SLC5A1: variants seen among roughly 807,000 people sequenced by gnomAD.
SLC5A1 encodes the protein solute carrier family 5 member 1.
A neutral mutation model predicts 73.5 loss-of-function variants in SLC5A1; 42 were observed. The ratio of observed to expected loss-of-function variants is 0.57; its 90% CI spans 0.45 to 0.74. SLC5A1 has a LOEUF of 0.74. SLC5A1 is among the 30% of genes least tolerant of loss of function. The pLI is 0.00. For synonymous variants in SLC5A1, 300 were observed against 317.4 expected (o/e 0.95, Z 0.58); for missense variants, 634 against 855.4 (o/e 0.74, Z 3.23).
At chr22:32,060,125 A>G (rs1251448563) in intron 2 of SLC5A1, among the ~76,000 whole-genome samples, 1 of 48,402 alleles carries the variant, frequency 2.1e-5, no homozygotes, top group Non-Finnish European at 3.6e-5. Flanking sequence ...ATATATACAT[A>G]CACACATATA....
chr22:32,074,564 C>G (rs531939200), intron 5 of SLC5A1, among the ~76,000 whole-genome samples: 1 of 152,266 alleles, frequency 6.6e-6, no homozygotes, highest in East Asian at 1.9e-4. Flanking sequence ...ATTTCTCCAG[C>G]CTTCCCAGCA....
chr22:32,043,586 G>C lies in SLC5A1; in HGVS notation c.135+170G>C, dbSNP rs1189223013. Reference sequence around the variant, plus strand: ...GCACAGCATGAAGGGAGGAGGGCAAGCAAGGATGAGCAGAAGTGAGAAGGG... The same window carrying C: ...GCACAGCATGAAGGGAGGAGGGCAACCAAGGATGAGCAGAAGTGAGAAGGG... On this transcript the variant is annotated intron_variant, in intron 1 of 14. Transcript: ENST00000266088. This position sits in a 1 kb window ranked among gnomAD's most constrained non-coding sequence, Gnocchi z 6.5. Among the ~76,000 whole-genome samples the C allele has an allele frequency of 1.3e-5, 2 of 152,164 alleles. No homozygotes were observed. The highest frequency in any genetic ancestry group is 2.9e-5 in the Non-Finnish European group (2 of 68,038).
intron 12 of SLC5A1, 49 bp from the exon 13 acceptor site, chr22:32,101,973 A>T: frequency 1.4e-6 from 2 of 1,405,058 alleles, no homozygotes; most frequent in Non-Finnish European, 1.0e-6. Context: ...TAGAAAGGCC[A>T]TCTGTTTTGT....
At chr22:32,080,128 C>T (rs1022746137) in intron 5 of SLC5A1, among the ~76,000 whole-genome samples, 6 of 152,150 alleles carry the variant, frequency 3.9e-5, no homozygotes, top group Middle Eastern at 3.2e-3. Flanking sequence ...AATGCTGGTT[C>T]TTCTGACTGC....
Position 32,091,902 on chromosome 22 carries a change from G to A in SLC5A1, c.1280+140G>A, listed in dbSNP as rs538973330. On this transcript the variant is annotated intron_variant, in intron 11 of 14. Coordinates refer to ENST00000266088, the MANE Select transcript of SLC5A1 (RefSeq NM_000343.4). ...CTGTGGCTGGTTATATGTGCCATTTGGTGGCATTTAACTTTATTTACTTAT... is the reference window on the plus strand; with the variant it reads ...CTGTGGCTGGTTATATGTGCCATTTAGTGGCATTTAACTTTATTTACTTAT... 96 of 727,482 alleles carry A rather than the reference G, an allele frequency of 1.3e-4. No individual in the cohort carries two copies. In the African/African-American group the frequency reaches 1.5e-3, roughly 12 times the overall value. The allele number at this position is 727,482 out of a possible 1,614,324, so 45.1% of individuals were successfully genotyped here.
intron 11 of SLC5A1, among the ~76,000 whole-genome samples, chr22:32,094,802 C>T (rs2094023689): frequency 6.6e-6 from 1 of 151,630 alleles, no homozygotes; most frequent in South Asian, 2.1e-4. Flanking sequence ...CTTTTTGTTT[C>T]ATTTATCTTT....
chr22:32,094,574 T>G (rs1260070130), intron 11 of SLC5A1, among the ~76,000 whole-genome samples: 1 of 152,164 alleles, frequency 6.6e-6, no homozygotes, highest in Non-Finnish European at 1.5e-5. Flanking sequence ...CTAGGAGGGT[T>G]GTATCTCTCC....
chr22:32,045,838 C>G (rs1237226974), intron 1 of SLC5A1, among the ~76,000 whole-genome samples: 1 of 152,210 alleles, frequency 6.6e-6, no homozygotes, highest in Non-Finnish European at 1.5e-5. Context: ...GAAATCCCCT[C>G]AAGCCAGGGG....
chr22:32,079,241 C>T (rs1426146721), intron 5 of SLC5A1, among the ~76,000 whole-genome samples: 1 of 152,198 alleles, frequency 6.6e-6, no homozygotes, highest in African/African-American at 2.4e-5. Context: ...CAGCTGGAGT[C>T]AGCTACATAA....
chr22:32,092,070 A>G (rs145896395), intron 11 of SLC5A1, among the ~76,000 whole-genome samples: 1 of 152,084 alleles, frequency 6.6e-6, no homozygotes, highest in Admixed American at 6.5e-5. Context: ...ACTGAACCCA[A>G]TTTGTAATCT....
intron 2 of SLC5A1, among the ~76,000 whole-genome samples, chr22:32,060,052 C>CACACACACACAT (rs1450100086): frequency 4.4e-4 from 51 of 115,610 alleles, no homozygotes; most frequent in Middle Eastern, 9.0e-3. Context: ...CACACACACA[C>CACACACACACAT]ATATATACAC....
At chr22:32,108,668 A>G (rs2094050714) in intron 14 of SLC5A1, among the ~76,000 whole-genome samples, 1 of 152,132 alleles carries the variant, frequency 6.6e-6, no homozygotes, top group Non-Finnish European at 1.5e-5. Context: ...GAGAGGCTCT[A>G]CCCCAATAAG....
chr22:32,044,702 G>A (rs1386499686), intron 1 of SLC5A1, among the ~76,000 whole-genome samples: 1 of 152,070 alleles, frequency 6.6e-6, no homozygotes, highest in Non-Finnish European at 1.5e-5. Flanking sequence ...TCAAATCATG[G>A]AACATTGGGT....
chr22:32,071,957 C>T lies in SLC5A1; in HGVS notation c.477+3357C>T, dbSNP rs58334257. Among the ~76,000 whole-genome samples, 846 of 152,268 alleles carry T rather than the reference C, an allele frequency of 5.6e-3. 4 individuals are homozygous for T. The highest frequency in any genetic ancestry group is 0.015 in the African/African-American group (626 of 41,548). On this transcript the variant is annotated intron_variant, in intron 5 of 14. Transcript: ENST00000266088. ...AAGATAGAATAGGATAACAAGCACTCACGGACCTAACACTGATCACTTAGC... is the reference window on the plus strand; with the variant it reads ...AAGATAGAATAGGATAACAAGCACTTACGGACCTAACACTGATCACTTAGC...
chr22:32,098,552 C>A (rs895972333), intron 11 of SLC5A1, among the ~76,000 whole-genome samples: 1 of 139,646 alleles, frequency 7.2e-6, no homozygotes, highest in African/African-American at 2.5e-5. Context: ...ACCTTGTTCC[C>A]ATACTCTATT....
chr22:32,078,739 G>C (rs948643101), intron 5 of SLC5A1, among the ~76,000 whole-genome samples: 39 of 152,152 alleles, frequency 2.6e-4, no homozygotes, highest in African/African-American at 8.9e-4. Context: ...TGGATCACAA[G>C]ATCAGGAGAT....
chr22:32,080,309 C>G (rs1249279462), intron 5 of SLC5A1, among the ~76,000 whole-genome samples: 1 of 152,274 alleles, frequency 6.6e-6, no homozygotes, highest in South Asian at 2.1e-4. Flanking sequence ...CCTCAAAAGG[C>G]CCACCTTCGG....
At chr22:32,082,075 A>G in intron 6 of SLC5A1, 104 bp downstream of exon 6, 1 of 800,932 alleles carries the variant, frequency 1.2e-6, no homozygotes, top group East Asian at 2.5e-5. Context: ...TTGAGGAGAG[A>G]TACACTCAGG....
chr22:32,090,852 C>A (rs2094016104), intron 10 of SLC5A1, among the ~76,000 whole-genome samples: 2 of 152,088 alleles, frequency 1.3e-5, no homozygotes, highest in African/African-American at 4.8e-5. Flanking sequence ...ACATTCCTGC[C>A]AGCAATATAT....
Sources: allele counts gnomAD v4.1 joint callset (sites outside exome capture counted in the v4.1 genomes callset), GRCh38; gene constraint gnomAD v4.1.1; non-coding constraint Gnocchi (gnomAD v3.1); transcripts MANE v1.5; gene names NCBI Gene and HGNC (gene_info 2026-07-23, HGNC 2026-07-21).